Variants in FGD5 observed in about 807,000 individuals in gnomAD.
FGD5 encodes FYVE, RhoGEF and PH domain-containing protein 5.
A neutral mutation model predicts 133.4 loss-of-function variants in FGD5; 28 were observed. The observed-to-expected ratio is 0.21, with a 90% CI of 0.16 to 0.29. FGD5 has a LOEUF of 0.29. FGD5 is among the 10% of genes least tolerant of loss of function. FGD5 has a pLI of 1.00. For missense variants in FGD5, 1,858 were observed against 1,895.2 expected, an observed-to-expected ratio of 0.98 and a Z score of 0.36; for synonymous variants, 810 against 776.5, an observed-to-expected ratio of 1.04 and a Z score of -0.72.
intron 13 of FGD5, among the ~76,000 whole-genome samples, chr3:14,919,534 C>T (rs994532649): frequency 3.9e-5 from 6 of 152,210 alleles, no homozygotes; most frequent in African/African-American, 9.6e-5. Flanking sequence ...AGGAGAATGG[C>T]GTGAACCGGG....
At chr3:14,860,823 T>A (rs1454147900) in intron 1 of FGD5, among the ~76,000 whole-genome samples, 1 of 151,122 alleles carries the variant, frequency 6.6e-6, no homozygotes, top group Non-Finnish European at 1.5e-5. Flanking sequence ...AAAAAAAATT[T>A]AAAAATTAGC....
chr3:14,921,821 C>A, intron 13 of FGD5, 97 bp from the exon 14 acceptor site: 1 of 1,165,472 alleles, frequency 8.6e-7, no homozygotes, highest in Non-Finnish European at 1.3e-6. Flanking sequence ...GAGGTGCAGG[C>A]TCAAGGGGCA....
intron 4 of FGD5, among the ~76,000 whole-genome samples, chr3:14,890,627 G>A (rs1200600626): frequency 3.3e-5 from 5 of 152,196 alleles, no homozygotes; most frequent in Non-Finnish European, 7.3e-5. Context: ...TGGTGCATGA[G>A]TTTTAAGAAC....
intron 18 of FGD5, among the ~76,000 whole-genome samples, chr3:14,926,929 T>C (rs1047716770): frequency 5.3e-5 from 8 of 152,196 alleles, no homozygotes; most frequent in Non-Finnish European, 1.2e-4. Flanking sequence ...GGGATATGCA[T>C]GTCAGGGCTG....
intron 1 of FGD5, among the ~76,000 whole-genome samples, chr3:14,829,543 G>GACTTC: frequency 6.6e-6 from 1 of 152,334 alleles, no homozygotes; most frequent in Middle Eastern, 3.4e-3. Flanking sequence ...CAGCGTTGAT[G>GACTTC]AACTCCAGGG....
chr3:14,930,775 C>T (rs747590217), intron 18 of FGD5: 2 of 152,040 alleles, frequency 1.3e-5, no homozygotes, highest in African/African-American at 4.8e-5. Context: ...ATTTAAGCCT[C>T]GAATTCTCTT....
rs746274707 is a variant in FGD5, at chr3:14,900,974, C to G, written c.3206-29C>G. ...AAAATTGATGCCCCTCTTGCAATGG[C>G]CCAACTCCTGCTCTGTGTCCCTCCC... On this transcript the variant is annotated intron_variant, in intron 8 of 19. Transcript: ENST00000285046. The G allele has an allele frequency of 1.5e-5, 25 of 1,613,840 alleles. No homozygotes were observed. In the East Asian group the frequency reaches 5.6e-4, roughly 36 times the overall value.
chr3:14,810,740 C>G, upstream of FGD5: 1 of 925,544 alleles, frequency 1.1e-6, no homozygotes, highest in Non-Finnish European at 1.3e-6. Flanking sequence ...GGGCGGGCGC[C>G]AGGGGGTGCG....
chr3:14,832,936 C>T (rs373923513), intron 1 of FGD5, among the ~76,000 whole-genome samples: 4 of 152,214 alleles, frequency 2.6e-5, no homozygotes, highest in Non-Finnish European at 4.4e-5. Flanking sequence ...AGAAGGTTTA[C>T]GCTTCCTTAG....
intron 5 of FGD5, 50 bp downstream of exon 5, chr3:14,897,719 T>A: frequency 6.5e-7 from 1 of 1,536,646 alleles, no homozygotes; most frequent in South Asian, 1.2e-5. Flanking sequence ...ACTGGGGGAA[T>A]GGAGACGGAT....
Position 14,819,829 on chromosome 3 carries a change from C to A in FGD5, c.758C>A (p.Pro253His), listed in dbSNP as rs770858457. 3.1e-6 allele frequency: 5 copies of A among 1,603,846 alleles called. No individual in the cohort carries two copies. The African/African-American group carries it at 4.0e-5, about 13-fold the overall frequency. Reference protein sequence around the residue: ...GQDAEDTSEEPPEKEELAGVQ... With the variant: ...GQDAEDTSEEHPEKEELAGVQ... ...GATGCTGAGGACACCAGTGAGGAGC[C>A]CCCTGAGAAGGAGGAGCTGGCCGGG... The change falls in exon 1 of 20, where the codon CCC becomes CAC. Residue 253 changes from proline to histidine, a missense_variant. By Grantham distance (77) the Pro-to-His change is moderately conservative. Around this residue, in one of 3 missense-constraint regions of FGD5, gnomAD observed 1,824 missense variants for 1,848.9 expected, o/e 0.99. Coordinates refer to ENST00000285046, the MANE Select transcript of FGD5 (RefSeq NM_152536.4). The surrounding 1 kb of genome is among the most constrained non-coding windows in gnomAD (Gnocchi z 4.1).
chr3:14,889,444 T>C (rs1559494619), intron 4 of FGD5, among the ~76,000 whole-genome samples: 1 of 152,184 alleles, frequency 6.6e-6, no homozygotes, highest in Non-Finnish European at 1.5e-5. Flanking sequence ...AGGGATAGCC[T>C]ATAGTCGGGT....
At chr3:14,894,150 T>A (rs984470959) in intron 4 of FGD5, among the ~76,000 whole-genome samples, 4 of 152,196 alleles carry the variant, frequency 2.6e-5, no homozygotes, top group Non-Finnish European at 4.4e-5. Flanking sequence ...CCAGCCTACT[T>A]TCTATCTTCA....
intron 1 of FGD5, among the ~76,000 whole-genome samples, chr3:14,828,313 T>C (rs2036640554): frequency 6.6e-6 from 1 of 152,076 alleles, no homozygotes; most frequent in South Asian, 2.1e-4. Context: ...TGAGTAGACA[T>C]TGCAGGAAAA....
chr3:14,923,634 G>A (rs946721666), intron 16 of FGD5, among the ~76,000 whole-genome samples: 7 of 152,188 alleles, frequency 4.6e-5, no homozygotes, highest in African/African-American at 1.7e-4. Context: ...GTGCTGAAGG[G>A]ACAGGCCTTG....
chr3:14,898,061 C>G lies in FGD5; in HGVS notation c.3032C>G (p.Ser1011Cys), dbSNP rs775016812. Residue 1011 changes from serine to cysteine, a missense_variant, in exon 6 of 20, where the codon TCT (serine) becomes TGT (cysteine). Ser to Cys is a moderately radical substitution (Grantham distance 112). This residue lies in a region of FGD5 where 1,824 missense variants were observed against 1,848.9 expected (regional missense o/e 0.99). Coordinates refer to ENST00000285046, the MANE Select transcript of FGD5 (RefSeq NM_152536.4). ...CTGCTCAGTGAGAATTGCCTCCACTCTCCCCGGCTGGCAGCTGCTGTCCGT... is the reference window on the plus strand; with the variant it reads ...CTGCTCAGTGAGAATTGCCTCCACTGTCCCCGGCTGGCAGCTGCTGTCCGT... ...LGLLSENCLH[S>C]PRLAAAVREF... 4.3e-6 allele frequency: 7 copies of G among 1,613,934 alleles called. No individual in the cohort carries two copies. The highest frequency in any genetic ancestry group is 3.4e-6 in the Non-Finnish European group (4 of 1,179,906).
chr3:14,925,605 GTAA>G (rs2038787347), intron 17 of FGD5, among the ~76,000 whole-genome samples: 1 of 152,136 alleles, frequency 6.6e-6, no homozygotes, highest in East Asian at 1.9e-4. Flanking sequence ...ACAAAGAGTA[GTAA>G]TAATAATAAA....
intron 4 of FGD5, among the ~76,000 whole-genome samples, chr3:14,885,375 A>G (rs1222753305): frequency 2.0e-5 from 3 of 152,108 alleles, no homozygotes; most frequent in East Asian, 1.9e-4. Context: ...GTCGCGGTAG[A>G]TAACCTCAGT....
chr3:14,831,572 G>A (rs1404272634), intron 1 of FGD5, among the ~76,000 whole-genome samples: 2 of 152,132 alleles, frequency 1.3e-5, no homozygotes, highest in African/African-American at 4.8e-5. Context: ...AGAAGACCAT[G>A]CTAGTCCAGG....
Sources: allele counts gnomAD v4.1 joint callset (sites outside exome capture counted in the v4.1 genomes callset), GRCh38; gene constraint gnomAD v4.1.1; regional missense constraint gnomAD v4.1.1; non-coding constraint Gnocchi (gnomAD v3.1); transcripts MANE v1.5; gene names NCBI Gene and HGNC (gene_info 2026-07-23, HGNC 2026-07-21).